The following XRN2 variants were observed in gnomAD, a reference collection of about 807,000 sequenced individuals.
XRN2 encodes the protein 5'-3' exoribonuclease 2.
In XRN2, 44 loss-of-function variants were observed where a neutral mutation model predicts 138.5. The observed-to-expected ratio is 0.32, with a 90% CI of 0.25 to 0.41. The LOEUF (loss-of-function observed/expected upper bound fraction) is 0.41, where lower values mean the gene tolerates loss of function less well. Among genes scored for constraint, XRN2 ranks in the 10% least tolerant of loss-of-function variants. The pLI is 1.00. For missense variants in XRN2, 937 were observed against 1,169.3 expected, an observed-to-expected ratio of 0.80 and a Z score of 2.90; for synonymous variants, 354 against 369.4, an observed-to-expected ratio of 0.96 and a Z score of 0.48.
intron 1 of XRN2, among the ~76,000 whole-genome samples, chr20:21,307,279 C>T (rs1171818631): frequency 2.6e-5 from 2 of 76,738 alleles, no homozygotes; most frequent in Non-Finnish European, 6.1e-5. Flanking sequence ...TCATTTTGAT[C>T]AGTACGTGGC....
intron 1 of XRN2, among the ~76,000 whole-genome samples, chr20:21,325,314 A>G (rs1222807459): frequency 6.6e-6 from 1 of 152,248 alleles, no homozygotes; most frequent in East Asian, 1.9e-4. Context: ...AAACAAAGGA[A>G]GTAACATTTA....
chr20:21,373,175 A>G (rs2038781852), intron 27 of XRN2, among the ~76,000 whole-genome samples: 1 of 151,940 alleles, frequency 6.6e-6, no homozygotes, highest in African/African-American at 2.4e-5. Flanking sequence ...ACACCTGGCT[A>G]ATTTTTGTAT....
At chr20:21,367,004 C>T (rs2038712315) in intron 26 of XRN2, among the ~76,000 whole-genome samples, 1 of 152,122 alleles carries the variant, frequency 6.6e-6, no homozygotes, top group East Asian at 1.9e-4. Flanking sequence ...GATGGAGACT[C>T]TTTTTCAAGT....
At position 21,340,705 on chromosome 20, in the gene XRN2, A is replaced by G. The variant is rs934706702; in HGVS notation, c.1279-16A>G. 6.2e-7 allele frequency: 1 copy of G among 1,607,958 alleles called. No homozygotes were observed. Among genetic ancestry groups the G allele is most frequent in the Non-Finnish European group, 8.5e-7 (1 of 1,176,946 alleles). ...TGATTTAATTTTAATTTCTACATTCATTCCATTTATGTTAGAGAGATCAAC... is the reference window on the plus strand; with the variant it reads ...TGATTTAATTTTAATTTCTACATTCGTTCCATTTATGTTAGAGAGATCAAC... On this transcript the variant is annotated splice_polypyrimidine_tract_variant and intron_variant, in intron 14 of 29. Coordinates refer to ENST00000377191, the MANE Select transcript of XRN2 (RefSeq NM_012255.5).
rs2038545052 is a variant in XRN2, at chr20:21,353,944, T to A, written c.1937-845T>A. The stretch of plus-strand genomic sequence containing the variant: ...AATCACAAATAACAGTGGTTTTGAG[T>A]AGCAGTAGTTTCAGAATTATTTAAC... On this transcript the variant is annotated intron_variant, in intron 20 of 29. Coordinates refer to ENST00000377191, the MANE Select transcript of XRN2 (RefSeq NM_012255.5). Among the ~76,000 whole-genome samples the A allele has an allele frequency of 2.0e-5, 3 of 152,202 alleles. No individual in the cohort carries two copies. The South Asian group carries it at 6.2e-4, about 31-fold the overall frequency.
intron 28 of XRN2, among the ~76,000 whole-genome samples, chr20:21,382,938 ATC>A (rs767686403): frequency 2.0e-5 from 3 of 152,136 alleles, no homozygotes; most frequent in Non-Finnish European, 4.4e-5. Context: ...CCCAGTTTTA[ATC>A]TGTTTTATTC....
intron 24 of XRN2, among the ~76,000 whole-genome samples, chr20:21,360,274 C>T (rs2038622400): frequency 6.6e-6 from 1 of 152,168 alleles, no homozygotes; most frequent in Non-Finnish European, 1.5e-5. Flanking sequence ...ATGCTTCCTT[C>T]CTGCCCAGGC....
At chr20:21,370,338 G>T (rs544446488) in intron 27 of XRN2, among the ~76,000 whole-genome samples, 1 of 152,012 alleles carries the variant, frequency 6.6e-6, no homozygotes, top group African/African-American at 2.4e-5. Flanking sequence ...GATTATTCTG[G>T]GTCTGTTTTT....
chr20:21,357,511 T>C (rs1440490419), intron 23 of XRN2, among the ~76,000 whole-genome samples: 1 of 152,184 alleles, frequency 6.6e-6, no homozygotes, highest in East Asian at 1.9e-4. Context: ...GTTGCAGTTC[T>C]TTGAGTACTA....
chr20:21,354,026 T>C (rs2038546195), intron 20 of XRN2, among the ~76,000 whole-genome samples: 1 of 152,216 alleles, frequency 6.6e-6, no homozygotes, highest in Non-Finnish European at 1.5e-5. Context: ...GCCAAAATAC[T>C]ACTTATACTG....
At chr20:21,353,262 A>G (rs899598826) in intron 20 of XRN2, among the ~76,000 whole-genome samples, 2 of 12,754 alleles carry the variant, frequency 1.6e-4, no homozygotes, top group Non-Finnish European at 4.3e-4. Context: ...ATATATATAT[A>G]TATCTCTTAA....
intron 16 of XRN2, 25 bp from the exon 17 acceptor site, chr20:21,346,390 A>T (rs1318474922): frequency 6.2e-7 from 1 of 1,613,400 alleles, no homozygotes; most frequent in Non-Finnish European, 8.5e-7. Context: ...TTAATTCAGC[A>T]TAAATGAGCT....
In XRN2 at chr20:21,326,366, A is replaced by C; in HGVS notation, c.163A>C (p.Met55Leu). The change falls in exon 2 of 30, where the codon ATG (methionine) becomes CTG (leucine). Residue 55 changes from methionine (M) to leucine (L), a missense_variant. By Grantham distance (15) the Met-to-Leu change is conservative. Coordinates refer to ENST00000377191, the MANE Select transcript of XRN2 (RefSeq NM_012255.5). The stretch of plus-strand genomic sequence containing the variant: ...GGAGTTTGATAATCTGTATTTGGAT[A>C]TGAATGGAATCATCCATCCCTGTAC... ...DVEFDNLYLD[M>L]NGIIHPCTHP... The C allele has an allele frequency of 6.2e-7, 1 of 1,613,948 alleles. No individual in the cohort carries two copies. Among genetic ancestry groups the C allele is most frequent in the Non-Finnish European group, 8.5e-7 (1 of 1,179,912 alleles).
At chr20:21,367,087 T>G (rs1465372191) in intron 26 of XRN2, among the ~76,000 whole-genome samples, 2 of 152,188 alleles carry the variant, frequency 1.3e-5, no homozygotes, top group African/African-American at 2.4e-5. Flanking sequence ...AACAGTGGTA[T>G]CTCGTAGTTG....
At chr20:21,309,117 T>C (rs1169356323) in intron 1 of XRN2, among the ~76,000 whole-genome samples, 1 of 152,252 alleles carries the variant, frequency 6.6e-6, no homozygotes, top group African/African-American at 2.4e-5. Flanking sequence ...ATTGTGTCTC[T>C]GTTCACAAAA....
chr20:21,362,845 A>G (rs2122298097), intron 24 of XRN2, among the ~76,000 whole-genome samples: 1 of 152,294 alleles, frequency 6.6e-6, no homozygotes, highest in East Asian at 1.9e-4. Flanking sequence ...TATCTCTAGA[A>G]TGATACTAGC....
At chr20:21,386,198 A>C (rs1437226395) in intron 28 of XRN2, among the ~76,000 whole-genome samples, 3 of 152,264 alleles carry the variant, frequency 2.0e-5, no homozygotes, top group Non-Finnish European at 2.9e-5. Flanking sequence ...GGGTTATAAT[A>C]GCCGTTGAAT....
chr20:21,366,905 A>T (rs1214860411), intron 26 of XRN2, among the ~76,000 whole-genome samples: 3 of 152,186 alleles, frequency 2.0e-5, no homozygotes, highest in Non-Finnish European at 1.5e-5. Flanking sequence ...TTTCTCTAAG[A>T]CGTTTTACTG....
chr20:21,366,154 A>ATAG (rs1479898588), intron 26 of XRN2, among the ~76,000 whole-genome samples: 11 of 34,790 alleles, frequency 3.2e-4, no homozygotes, highest in Non-Finnish European at 4.3e-4. Context: ...ATAAATATAT[A>ATAG]TTTATAGTTT....
Sources: allele counts gnomAD v4.1 joint callset (sites outside exome capture counted in the v4.1 genomes callset), GRCh38; gene constraint gnomAD v4.1.1; transcripts MANE v1.5; gene names NCBI Gene and HGNC (gene_info 2026-07-23, HGNC 2026-07-21).